Variants in RAP1A observed in about 807,000 individuals in gnomAD.
RAP1A encodes RAP1A, member of RAS oncogene family, also known as ras-related protein Rap-1A.
Under a neutral mutation model 26.4 loss-of-function variants are expected in RAP1A, and 6 were observed. That is an observed-to-expected ratio of 0.23 (90% confidence interval 0.12 to 0.45). The LOEUF (loss-of-function observed/expected upper bound fraction) is 0.45. RAP1A is among the 20% of genes least tolerant of loss of function. The pLI is 0.99. For missense variants in RAP1A, 121 were observed against 217.2 expected (o/e 0.56, Z 2.78); for synonymous variants, 73 against 79.4 (o/e 0.92, Z 0.43).
intron 2 of RAP1A, among the ~76,000 whole-genome samples, chr1:111,693,859 T>C (rs1173999148): frequency 6.6e-6 from 1 of 151,910 alleles, no homozygotes; most frequent in Non-Finnish European, 1.5e-5. Context: ...GACTCTCTGC[T>C]CTAGCCTAAA....
intron 1 of RAP1A, among the ~76,000 whole-genome samples, chr1:111,678,055 A>G (rs1571553051): frequency 6.6e-6 from 1 of 152,246 alleles, no homozygotes; most frequent in East Asian, 1.9e-4. Context: ...CTACAGTTTT[A>G]TAGTCTAGAA....
intron 1 of RAP1A, among the ~76,000 whole-genome samples, chr1:111,543,153 G>A (rs2101026458): frequency 6.6e-6 from 1 of 152,260 alleles, no homozygotes; most frequent in South Asian, 2.1e-4. Flanking sequence ...CAGCGCAGGT[G>A]ACAGCTCTTT....
chr1:111,700,629 G>A (rs571964418), intron 4 of RAP1A, among the ~76,000 whole-genome samples: 2 of 152,092 alleles, frequency 1.3e-5, no homozygotes, highest in South Asian at 2.1e-4. Context: ...TCTGAACTTC[G>A]AGCTCTTATA....
intron 1 of RAP1A, among the ~76,000 whole-genome samples, chr1:111,567,736 A>T (rs1323083239): frequency 6.6e-6 from 1 of 152,016 alleles, no homozygotes; most frequent in African/African-American, 2.4e-5. Flanking sequence ...ACAACCCCCA[A>T]CCTCTGCAGG....
intron 1 of RAP1A, among the ~76,000 whole-genome samples, chr1:111,586,964 C>T (rs781361511): frequency 1.2e-4 from 18 of 152,180 alleles, no homozygotes; most frequent in African/African-American, 2.9e-4. Flanking sequence ...TATCAGACTG[C>T]GAAACTGAAT....
chr1:111,688,822 G>GTTTTTTTTTTTTTTTTTTTTTT (rs767753356), intron 1 of RAP1A, among the ~76,000 whole-genome samples: 6 of 90,050 alleles, frequency 6.7e-5, no homozygotes, highest in Non-Finnish European at 1.2e-4. Context: ...TTTTTTTTTT[G>GTTTTTTTTTTTTTTTTTTTTTT]TTTTTTTTTT....
chr1:111,578,815 C>G (rs1193325444), intron 1 of RAP1A, among the ~76,000 whole-genome samples: 1 of 152,148 alleles, frequency 6.6e-6, no homozygotes, highest in Non-Finnish European at 1.5e-5. Flanking sequence ...CTTCAGAGGC[C>G]AATTGCAAGT....
In RAP1A at chr1:111,619,832, T is replaced by C; in HGVS notation, c.-130T>C. 2.5e-6 allele frequency: 1 copy of C among 393,928 alleles called. No homozygotes were observed. Among genetic ancestry groups the C allele is most frequent in the Non-Finnish European group, 4.5e-6 (1 of 224,406 alleles). 24.4% of individuals were successfully genotyped at this position (393,928 alleles called of 1,614,324 possible). A position where few individuals can be genotyped will look rare whatever the true frequency, so the allele number is the denominator to read the frequency against. On this transcript the variant is annotated 5_prime_UTR_variant, in exon 1 of 8. Coordinates refer to ENST00000369709, the MANE Select transcript of RAP1A (RefSeq NM_002884.4). ...CCTGCCGCCGCCGCTCCCGCTGCTGTCGCCGCGCAGAGCCGGAGCAGGAGC... is the reference window on the plus strand; with the variant it reads ...CCTGCCGCCGCCGCTCCCGCTGCTGCCGCCGCGCAGAGCCGGAGCAGGAGC...
At chr1:111,614,266 T>C (rs375474188) in intron 1 of RAP1A, among the ~76,000 whole-genome samples, 5 of 152,346 alleles carry the variant, frequency 3.3e-5, no homozygotes, top group African/African-American at 1.2e-4. Context: ...TTGTGAAAAC[T>C]GTAAAATCAC....
chr1:111,548,493 A>T (rs1035816411), intron 1 of RAP1A, among the ~76,000 whole-genome samples: 4 of 152,216 alleles, frequency 2.6e-5, no homozygotes, highest in African/African-American at 9.6e-5. Flanking sequence ...TGTGCAGCTG[A>T]TCTGGGCACA....
chr1:111,584,885 CT>C (rs1328310745), intron 1 of RAP1A, among the ~76,000 whole-genome samples: 2 of 152,170 alleles, frequency 1.3e-5, no homozygotes, highest in Non-Finnish European at 2.9e-5. Flanking sequence ...GCTTCAACTG[CT>C]TGCCATAAAA....
intron 1 of RAP1A, among the ~76,000 whole-genome samples, chr1:111,635,098 TTTATG>T (rs1356897073): frequency 1.3e-5 from 2 of 152,210 alleles, no homozygotes; most frequent in African/African-American, 4.8e-5. Context: ...GAAATGGAAT[TTTATG>T]TTATGGTAAA....
At chr1:111,566,543 A>G (rs1488368589) in intron 1 of RAP1A, among the ~76,000 whole-genome samples, 7 of 152,224 alleles carry the variant, frequency 4.6e-5, no homozygotes. Flanking sequence ...GACCGTAAAC[A>G]TTATGAATAA....
At chr1:111,618,081 A>C (rs1659052609), upstream of RAP1A, among the ~76,000 whole-genome samples, 1 of 152,018 alleles carries the variant, frequency 6.6e-6, no homozygotes, top group Admixed American at 6.5e-5. Flanking sequence ...AAATGAGAAA[A>C]AGCATTTCTC....
chr1:111,648,206 T>TGTGTGTGTGTA lies in RAP1A; in HGVS notation c.-28+28272_-28+28273insGTGTGTGTGTA, dbSNP rs773470455. ...GTGTGTGTGTGTGTGTGTGTGTGTATTTTTTTTTTTTTGACTTCCAGTGAC... is the reference window on the plus strand; with the variant it reads ...GTGTGTGTGTGTGTGTGTGTGTGTATGTGTGTGTGTATTTTTTTTTTTTGACTTCCAGTGAC... On this transcript the variant is annotated intron_variant, in intron 1 of 7. Coordinates refer to ENST00000369709, the MANE Select transcript of RAP1A (RefSeq NM_002884.4). 579 of 142,590 alleles carry TGTGTGTGTGTA rather than the reference T, an allele frequency of 4.1e-3. 1 individual carries two copies. The highest frequency in any genetic ancestry group is 0.022 in the African/African-American group (480 of 21,736). 8.8% of individuals were successfully genotyped at this position (142,590 alleles called of 1,614,324 possible).
At chr1:111,656,280 A>AG (rs1331436303) in intron 1 of RAP1A, among the ~76,000 whole-genome samples, 1 of 152,158 alleles carries the variant, frequency 6.6e-6, no homozygotes, top group Admixed American at 6.5e-5. Flanking sequence ...GCAACACCTT[A>AG]ACCTCTAATG....
chr1:111,604,959 G>C (rs1168892177), intron 1 of RAP1A, among the ~76,000 whole-genome samples: 2 of 152,210 alleles, frequency 1.3e-5, no homozygotes, highest in Non-Finnish European at 2.9e-5. Flanking sequence ...TACCACCAGA[G>C]CTTCAAGTTA....
rs79866891 is a variant in RAP1A, at chr1:111,667,975, C to T, written c.-27-23359C>T. ...AGACTAAGCTCAGTCTATGAGGAGA[C>T]TCCACCGAGTGTCTGTGCACCCCTC... On this transcript the variant is annotated intron_variant, in intron 1 of 7. Coordinates refer to ENST00000369709, the MANE Select transcript of RAP1A (RefSeq NM_002884.4). Among the ~76,000 whole-genome samples, 978 of 152,306 alleles carry T rather than the reference C, an allele frequency of 6.4e-3. 11 individuals carry two copies. The highest frequency in any genetic ancestry group is 0.013 in the East Asian group (67 of 5,184).
chr1:111,611,123 C>G (rs1658920765), intron 1 of RAP1A, among the ~76,000 whole-genome samples: 1 of 152,176 alleles, frequency 6.6e-6, no homozygotes, highest in Non-Finnish European at 1.5e-5. Context: ...AATCCTATTA[C>G]AACAAATCCA....
Sources: allele counts gnomAD v4.1 joint callset (sites outside exome capture counted in the v4.1 genomes callset), GRCh38; gene constraint gnomAD v4.1.1; transcripts MANE v1.5; gene names NCBI Gene and HGNC (gene_info 2026-07-23, HGNC 2026-07-21).